Variants in ADK observed in about 807,000 individuals in gnomAD.
ADK encodes the protein adenosine kinase.
Under a neutral mutation model 44.7 loss-of-function variants are expected in ADK, and 24 were observed. The observed-to-expected ratio is 0.54, with a 90% CI of 0.39 to 0.76. ADK has a LOEUF of 0.76. ADK is among the 30% of genes least tolerant of loss of function. The pLI is 0.00. For missense variants in ADK, 321 were observed against 425.1 expected (o/e 0.76, Z 2.15); for synonymous variants, 128 against 142.6 (o/e 0.90, Z 0.73).
chr10:74,233,773 T>A (rs1405421629), intron 3 of ADK, among the ~76,000 whole-genome samples: 1 of 152,214 alleles, frequency 6.6e-6, no homozygotes, highest in Non-Finnish European at 1.5e-5. Flanking sequence ...GTCTGTTCAG[T>A]GATCCCTCTG....
At chr10:74,518,104 A>G (rs1294407968) in intron 6 of ADK, among the ~76,000 whole-genome samples, 1 of 152,226 alleles carries the variant, frequency 6.6e-6, no homozygotes, top group African/African-American at 2.4e-5. Context: ...GGAAGAAAGC[A>G]TGCTATATGG....
chr10:74,656,505 C>T (rs1854494147), intron 9 of ADK, among the ~76,000 whole-genome samples: 1 of 152,184 alleles, frequency 6.6e-6, no homozygotes, highest in Non-Finnish European at 1.5e-5. Flanking sequence ...AGTGTGAGGA[C>T]TGCAGCTTTT....
chr10:74,201,986 A>G (rs1041327949), intron 2 of ADK, among the ~76,000 whole-genome samples: 2 of 152,224 alleles, frequency 1.3e-5, no homozygotes, highest in Admixed American at 6.5e-5. Flanking sequence ...CAATTCAGTG[A>G]CTGCCAGTAT....
intron 9 of ADK, chr10:74,655,661 AC>A: frequency 2.0e-5 from 9 of 446,390 alleles, no homozygotes; most frequent in South Asian, 7.3e-5. Context: ...AGCCAGGAAG[AC>A]CCCCGGGCCT....
chr10:74,647,378 G>T (rs1294969519), intron 9 of ADK, among the ~76,000 whole-genome samples: 1 of 152,158 alleles, frequency 6.6e-6, no homozygotes, highest in Non-Finnish European at 1.5e-5. Context: ...GGGATGCTAA[G>T]AACTGGTTTA....
chr10:74,559,112 T>TG (rs1358243177), intron 7 of ADK, among the ~76,000 whole-genome samples: 3 of 152,222 alleles, frequency 2.0e-5, no homozygotes, highest in African/African-American at 7.2e-5. Context: ...CCTCATGCTC[T>TG]GGGCTTCCCT....
rs1356986387 is a variant in ADK, at chr10:74,549,445, T to C, written c.726+24019T>C. ...ATTGTAAATTAATTAATTTATTTATTTATTTAGAGACAGGGTCTCACTCAC... is the reference window on the plus strand; with the variant it reads ...ATTGTAAATTAATTAATTTATTTATCTATTTAGAGACAGGGTCTCACTCAC... On this transcript the variant is annotated intron_variant, in intron 7 of 10. Transcript: ENST00000539909. Among the ~76,000 whole-genome samples, 4 of 152,316 alleles carry C rather than the reference T, an allele frequency of 2.6e-5. No homozygotes were observed. In the East Asian group the frequency reaches 7.7e-4, roughly 29 times the overall value.
intron 6 of ADK, among the ~76,000 whole-genome samples, chr10:74,496,726 C>T (rs1306320047): frequency 6.6e-6 from 1 of 152,146 alleles, no homozygotes; most frequent in Non-Finnish European, 1.5e-5. Context: ...GCTTCCACCT[C>T]CCATAGTGCT....
At chr10:74,365,415 T>C (rs775304228) in intron 4 of ADK, among the ~76,000 whole-genome samples, 4 of 152,210 alleles carry the variant, frequency 2.6e-5, no homozygotes, top group Non-Finnish European at 4.4e-5. Context: ...CTTAGAATAA[T>C]GTCGTGGAGG....
intron 10 of ADK, among the ~76,000 whole-genome samples, chr10:74,700,545 C>T (rs1856385277): frequency 6.6e-6 from 1 of 151,204 alleles, no homozygotes; most frequent in South Asian, 2.1e-4. Flanking sequence ...ACCCAGCCTC[C>T]AAGAGATACT....
intron 3 of ADK, among the ~76,000 whole-genome samples, chr10:74,312,103 C>A (rs10762594): frequency 0.63 from 95,957 of 151,936 alleles, 31,954 homozygotes; most frequent in Middle Eastern, 0.79. Context: ...GAGTCAGAGG[C>A]TGCAGTGAGC....
chr10:74,200,156 G>GTTTT (rs760622376), intron 1 of ADK, among the ~76,000 whole-genome samples: 116 of 99,218 alleles, frequency 1.2e-3, no homozygotes, highest in African/African-American at 1.5e-3. Flanking sequence ...GACACCATCT[G>GTTTT]TTTTTTTTTT....
intron 9 of ADK, among the ~76,000 whole-genome samples, chr10:74,665,328 C>T (rs991695208): frequency 3.3e-5 from 5 of 152,166 alleles, no homozygotes; most frequent in Admixed American, 6.5e-5. Flanking sequence ...CTGGTTTTTA[C>T]GTAGTCATAC....
chr10:74,642,824 GTTC>G (rs1440902959), intron 9 of ADK, among the ~76,000 whole-genome samples: 2,165 of 119,522 alleles, frequency 0.018, 27 homozygotes, highest in Non-Finnish European at 0.031. Context: ...AAAATCTTAA[GTTC>G]TTTTTTTTTT....
intron 10 of ADK, 54 bp downstream of exon 10, chr10:74,670,323 T>C: frequency 1.5e-6 from 2 of 1,361,536 alleles, no homozygotes; most frequent in Non-Finnish European, 1.0e-6. Flanking sequence ...TTAACCCTTG[T>C]TTCTACCATA....
At chr10:74,536,600 C>CT (rs77904292) in intron 7 of ADK, among the ~76,000 whole-genome samples, 114 of 143,502 alleles carry the variant, frequency 7.9e-4, no homozygotes, top group East Asian at 1.2e-3. Context: ...CTCTCCAGAA[C>CT]TTTTTTTTTT....
intron 10 of ADK, among the ~76,000 whole-genome samples, chr10:74,702,773 A>G (rs1428226190): frequency 6.6e-6 from 1 of 151,464 alleles, no homozygotes; most frequent in Non-Finnish European, 1.5e-5. Context: ...AAATTTTTGT[A>G]TTTTTAGTAG....
intron 6 of ADK, among the ~76,000 whole-genome samples, chr10:74,481,503 C>T (rs1201561434): frequency 6.6e-6 from 1 of 152,082 alleles, no homozygotes; most frequent in Non-Finnish European, 1.5e-5. Context: ...CTTTCACACT[C>T]TCTTGAGCCC....
At chr10:74,595,184 A>G (rs1175320612) in intron 8 of ADK, among the ~76,000 whole-genome samples, 2 of 149,502 alleles carry the variant, frequency 1.3e-5, no homozygotes, top group African/African-American at 2.4e-5. Context: ...CTCAAAAAAA[A>G]AAAAAAAAAA....
Sources: gnomAD v4.1 joint callset for allele counts (sites outside exome capture counted in the v4.1 genomes callset) on GRCh38, gnomAD v4.1.1 for gene constraint, MANE v1.5 for transcripts, NCBI Gene and HGNC (gene_info 2026-07-23, HGNC 2026-07-21) for gene names.